KPNA7: variants seen among roughly 807,000 people sequenced by gnomAD.
KPNA7 encodes importin subunit alpha-8.
KPNA7 carries 54 observed loss-of-function variants against 53.7 expected under a neutral mutation model. The observed-to-expected ratio is 1.01, with a 90% CI of 0.81 to 1.26. The LOEUF (loss-of-function observed/expected upper bound fraction) is 1.26. Among genes scored for constraint, KPNA7 ranks in the 50% most tolerant of loss-of-function variants. KPNA7 has a pLI of 0.00. For missense variants in KPNA7, 640 were observed against 644.5 expected (o/e 0.99, Z 0.07); for synonymous variants, 276 against 259.3 (o/e 1.06, Z -0.62).
At chr7:99,216,896 C>G (rs1791234037) in intron 1 of KPNA7, among the ~76,000 whole-genome samples, 1 of 152,138 alleles carries the variant, frequency 6.6e-6, no homozygotes, top group Non-Finnish European at 1.5e-5. Context: ...GAGTAAGGGA[C>G]CATTATGGAC....
At chr7:99,192,167 G>T (rs947452253) in intron 6 of KPNA7, among the ~76,000 whole-genome samples, 2 of 152,156 alleles carry the variant, frequency 1.3e-5, no homozygotes, top group African/African-American at 2.4e-5. Context: ...TGAAAAATCA[G>T]ACCTTGGTAA....
intron 1 of KPNA7, among the ~76,000 whole-genome samples, chr7:99,218,666 T>C (rs1157058782): frequency 6.6e-6 from 1 of 152,202 alleles, no homozygotes; most frequent in Non-Finnish European, 1.5e-5. Flanking sequence ...ACAGTGTCTC[T>C]AAAGACACTG....
At chr7:99,147,952 G>GTTTGT in the KPNA7 span, among the ~76,000 whole-genome samples, 1 of 151,640 alleles carries the variant, frequency 6.6e-6, no homozygotes, top group Non-Finnish European at 1.5e-5. Context: ...AGTAGCGCAA[G>GTTTGT]GCTGCAGTGA....
intron 1 of KPNA7, among the ~76,000 whole-genome samples, chr7:99,217,112 T>C (rs1395747920): frequency 6.6e-6 from 1 of 152,176 alleles, no homozygotes; most frequent in Non-Finnish European, 1.5e-5. Flanking sequence ...AAGTAACACA[T>C]AGTGAGGGCT....
chr7:99,193,166 A>AT (rs968290157), intron 5 of KPNA7, 65 bp from the exon 6 acceptor site: 18 of 1,030,848 alleles, frequency 1.7e-5, no homozygotes, highest in African/African-American at 1.7e-4. Context: ...TGGGTGACTA[A>AT]TTTTTTAAGA....
At chr7:99,180,322 C>T (rs1295999438) in intron 9 of KPNA7, among the ~76,000 whole-genome samples, 1 of 152,056 alleles carries the variant, frequency 6.6e-6, no homozygotes, top group Non-Finnish European at 1.5e-5. Flanking sequence ...GGCAATATAG[C>T]AAGACCCTGT....
the KPNA7 span, among the ~76,000 whole-genome samples, chr7:99,149,093 A>T: frequency 6.6e-6 from 1 of 151,606 alleles, no homozygotes. Context: ...AGTGGAGATG[A>T]TATTTCACCA....
chr7:99,165,597 G>A, the KPNA7 span, among the ~76,000 whole-genome samples: 5 of 152,196 alleles, frequency 3.3e-5, no homozygotes, highest in Admixed American at 6.5e-5. Flanking sequence ...TCTTCCAGCA[G>A]TATTTTAGAC....
At chr7:99,209,682 C>CAAAAAAAAAAAAAAAAAA (rs60377276), upstream of KPNA7, among the ~76,000 whole-genome samples, 3 of 73,532 alleles carry the variant, frequency 4.1e-5, no homozygotes, top group Admixed American at 2.3e-4. Context: ...GACTCCAACT[C>CAAAAAAAAAAAAAAAAAA]AAAAAAAAAA....
chr7:99,173,944 G>C, intron 10 of KPNA7, 150 bp from the exon 11 acceptor site: 1 of 585,476 alleles, frequency 1.7e-6, no homozygotes, highest in Non-Finnish European at 3.0e-6. Context: ...TCGCATTGTT[G>C]CGCAACCATC....
At chr7:99,150,321 C>T in the KPNA7 span, among the ~76,000 whole-genome samples, 1 of 152,024 alleles carries the variant, frequency 6.6e-6, no homozygotes, top group East Asian at 1.9e-4. Context: ...GTCTTGAACT[C>T]TTGACCTCAA....
At chr7:99,172,328 G>A (rs12113003), downstream of KPNA7, among the ~76,000 whole-genome samples, 3,539 of 152,234 alleles carry the variant, frequency 0.023, 130 homozygotes, top group African/African-American at 0.079. Flanking sequence ...GTCCTCCTTT[G>A]CTTTAAATAT....
intron 6 of KPNA7, among the ~76,000 whole-genome samples, chr7:99,189,191 TA>T (rs1287192523): frequency 6.6e-6 from 1 of 152,244 alleles, no homozygotes; most frequent in African/African-American, 2.4e-5. Context: ...CCCACTGGTC[TA>T]AAACACTACT....
At chr7:99,163,688 A>G in the KPNA7 span, among the ~76,000 whole-genome samples, 1 of 151,792 alleles carries the variant, frequency 6.6e-6, no homozygotes, top group African/African-American at 2.4e-5. Flanking sequence ...CGCCTGGCCT[A>G]GTGTGTATTT....
chr7:99,165,744 C>G, the KPNA7 span, among the ~76,000 whole-genome samples: 2 of 152,186 alleles, frequency 1.3e-5, no homozygotes, highest in African/African-American at 4.8e-5. Flanking sequence ...CAAGCCCAAT[C>G]CCTTTGAGAC....
At chr7:99,171,507 T>A (rs1403249649), downstream of KPNA7, among the ~76,000 whole-genome samples, 14 of 151,386 alleles carry the variant, frequency 9.2e-5, no homozygotes, top group Admixed American at 9.2e-4. Flanking sequence ...AGTGGCACCA[T>A]CATAGCTCAC....
At chr7:99,155,712 C>T in the KPNA7 span, among the ~76,000 whole-genome samples, 2 of 151,508 alleles carry the variant, frequency 1.3e-5, no homozygotes, top group Admixed American at 6.6e-5. Flanking sequence ...CAGTGCATGC[C>T]ACCACACTAA....
intron 2 of KPNA7, among the ~76,000 whole-genome samples, chr7:99,204,245 T>C (rs1563087911): frequency 6.6e-6 from 1 of 151,896 alleles, no homozygotes; most frequent in Non-Finnish European, 1.5e-5. Context: ...GGTAGCATGC[T>C]CCTGTAGTCC....
chr7:99,185,172 C>A lies in KPNA7; in HGVS notation c.901-10G>T, dbSNP rs1435118052. 1 of 1,537,216 alleles carries A rather than the reference C, an allele frequency of 6.5e-7. No individual in the cohort carries two copies. The highest frequency in any genetic ancestry group is 2.0e-5 in the Admixed American group (1 of 50,900). On this transcript the variant is annotated splice_polypyrimidine_tract_variant and intron_variant, in intron 7 of 10. Coordinates refer to ENST00000327442, the MANE Select transcript of KPNA7 (RefSeq NM_001145715.3). Reference sequence around the variant, plus strand: ...TGCGGAGAGAAGGAGTCTGGAAGAGCAAGGCTAGAAGTCTAAGTATTTCAA... The same window carrying A: ...TGCGGAGAGAAGGAGTCTGGAAGAGAAAGGCTAGAAGTCTAAGTATTTCAA...
Sources: allele counts gnomAD v4.1 joint callset (sites outside exome capture counted in the v4.1 genomes callset), GRCh38; gene constraint gnomAD v4.1.1; transcripts MANE v1.5; gene names NCBI Gene and HGNC (gene_info 2026-07-23, HGNC 2026-07-21).